ABCB5: variants seen among roughly 807,000 people sequenced by gnomAD.
ABCB5 encodes the protein ATP binding cassette subfamily B member 5.
A neutral mutation model predicts 144.2 loss-of-function variants in ABCB5; 155 were observed. That is an observed-to-expected ratio of 1.08 (90% CI 0.94 to 1.23). ABCB5 has a LOEUF of 1.23. ABCB5 is among the 50% of genes most tolerant of loss of function. ABCB5 has a pLI of 0.00. For missense variants in ABCB5, 1,830 were observed against 1,520.8 expected (o/e 1.20, Z -3.38); for synonymous variants, 610 against 528.6 (o/e 1.15, Z -2.11).
intron 14 of ABCB5, among the ~76,000 whole-genome samples, chr7:20,663,282 T>G (rs889087378): frequency 6.6e-6 from 1 of 152,212 alleles, no homozygotes; most frequent in African/African-American, 2.4e-5. Context: ...CTCAAAGAGA[T>G]ATTGGTATAC....
intron 14 of ABCB5, chr7:20,660,102 T>C (rs1282644615): frequency 1.0e-6 from 1 of 984,696 alleles, no homozygotes; most frequent in East Asian, 1.1e-4. Flanking sequence ...CAAAACTAGT[T>C]CAGACTTTTA....
intron 5 of ABCB5, among the ~76,000 whole-genome samples, chr7:20,632,766 A>G (rs947074553): frequency 2.0e-4 from 31 of 151,996 alleles, no homozygotes; most frequent in Non-Finnish European, 4.3e-4. Context: ...CAAGAGCAAA[A>G]AAACAAACAC....
At chr7:20,691,166 G>C (rs1363057635) in intron 16 of ABCB5, among the ~76,000 whole-genome samples, 1 of 116,708 alleles carries the variant, frequency 8.6e-6, no homozygotes, top group Non-Finnish European at 1.7e-5. Flanking sequence ...AAACCCAGTG[G>C]ACTTTTTTTT....
In ABCB5 at chr7:20,685,855, A is replaced by G. The variant is rs756707721; in HGVS notation, c.2010+19A>G. The G allele has an allele frequency of 1.9e-6, 3 of 1,567,746 alleles. No homozygotes were observed. Among genetic ancestry groups the G allele is most frequent in the Non-Finnish European group, 1.7e-6 (2 of 1,163,902 alleles). ...TAAAGAGGTAATGGCTCAGCGATCA[A>G]CCAGTTTTTCCTGCATGTTTTCTAA... On this transcript the variant is annotated intron_variant, in intron 16 of 27. Transcript: ENST00000404938.
intron 4 of ABCB5, among the ~76,000 whole-genome samples, chr7:20,631,324 G>T (rs1014797071): frequency 1.3e-5 from 2 of 152,188 alleles, no homozygotes; most frequent in East Asian, 3.9e-4. Context: ...AGGGAGAAAT[G>T]ATTGTTTGCA....
At chr7:20,748,996 T>A (rs1782823467) in intron 26 of ABCB5, among the ~76,000 whole-genome samples, 3 of 152,360 alleles carry the variant, frequency 2.0e-5, no homozygotes, top group Middle Eastern at 3.4e-3. Context: ...CAATCTGCCA[T>A]GTCCTGCTTC....
chr7:20,691,021 C>T (rs1309402893), intron 16 of ABCB5, among the ~76,000 whole-genome samples: 2 of 152,020 alleles, frequency 1.3e-5, no homozygotes, highest in African/African-American at 4.8e-5. Flanking sequence ...ATAATGGCTT[C>T]TGACATTGGA....
At chr7:20,717,589 C>G (rs1781717395) in intron 20 of ABCB5, among the ~76,000 whole-genome samples, 1 of 151,788 alleles carries the variant, frequency 6.6e-6, no homozygotes, top group Non-Finnish European at 1.5e-5. Flanking sequence ...ATTACAGACA[C>G]GCACCACCAT....
chr7:20,659,328 C>G, intron 14 of ABCB5: 6 of 1,375,318 alleles, frequency 4.4e-6, no homozygotes, highest in Non-Finnish European at 5.6e-6. Flanking sequence ...TAAACCAGAG[C>G]CTTCAGACCC....
At chr7:20,739,481 T>C (rs1296229228) in intron 24 of ABCB5, among the ~76,000 whole-genome samples, 1 of 152,142 alleles carries the variant, frequency 6.6e-6, no homozygotes, top group Non-Finnish European at 1.5e-5. Flanking sequence ...ACATAAAGAG[T>C]TAAAAGTTTG....
intron 14 of ABCB5, among the ~76,000 whole-genome samples, chr7:20,666,278 G>C (rs1260882854): frequency 6.6e-6 from 1 of 152,176 alleles, no homozygotes; most frequent in African/African-American, 2.4e-5. Flanking sequence ...GCAGTGAGTG[G>C]GAACTTGTGT....
intron 20 of ABCB5, among the ~76,000 whole-genome samples, chr7:20,717,121 C>A (rs1043661422): frequency 3.3e-5 from 5 of 152,216 alleles, no homozygotes; most frequent in Admixed American, 3.3e-4. Flanking sequence ...TCCAACAATG[C>A]CAAGAACTTA....
At chr7:20,721,724 A>T (rs529114745) in intron 20 of ABCB5, among the ~76,000 whole-genome samples, 1 of 152,360 alleles carries the variant, frequency 6.6e-6, no homozygotes, top group African/African-American at 2.4e-5. Context: ...TACAAAAAAT[A>T]TACAAAAATC....
chr7:20,673,840 C>T (rs1352861752), intron 14 of ABCB5, among the ~76,000 whole-genome samples: 1 of 151,854 alleles, frequency 6.6e-6, no homozygotes, highest in African/African-American at 2.4e-5. Flanking sequence ...TTCTTGGTTT[C>T]TGCTTTACTC....
At position 20,629,469 on chromosome 7, in the gene ABCB5, A is replaced by T. The variant is rs538702470; in HGVS notation, c.259+631A>T. ...CTAGGATGTAACACATCCTTTAAAAAGAAGAAATCAAGGCCGGGTGCAGTG... is the reference window on the plus strand; with the variant it reads ...CTAGGATGTAACACATCCTTTAAAATGAAGAAATCAAGGCCGGGTGCAGTG... On this transcript the variant is annotated intron_variant, in intron 4 of 27. Coordinates refer to ENST00000404938, the MANE Select transcript of ABCB5 (RefSeq NM_001163941.2). Among the ~76,000 whole-genome samples, 5 of 152,280 alleles carry T rather than the reference A, an allele frequency of 3.3e-5. No individual in the cohort carries two copies. The East Asian group carries it at 9.7e-4, about 29-fold the overall frequency.
At chr7:20,664,914 C>T (rs1382007543) in intron 14 of ABCB5, among the ~76,000 whole-genome samples, 2 of 152,064 alleles carry the variant, frequency 1.3e-5, no homozygotes, top group Non-Finnish European at 1.5e-5. Flanking sequence ...CATAGCAAGA[C>T]CTTGTCTGTA....
In ABCB5 at chr7:20,658,609, T is replaced by C; in HGVS notation, c.1640T>C (p.Ile547Thr). ...RALVRNPKIL[I>T]LDEATSALDS... is the part of the protein sequence containing the mutation. ...TTAGTTCGAAACCCCAAGATTCTGA[T>C]TTTAGATGAGGCTACGTCTGCCCTG... Residue 547 changes from isoleucine to threonine, a missense_variant, in exon 14 of 28, where the codon ATT (isoleucine) becomes ACT (threonine). Coordinates refer to ENST00000404938, the MANE Select transcript of ABCB5 (RefSeq NM_001163941.2). 6.2e-7 allele frequency: 1 copy of C among 1,614,204 alleles called. No homozygotes were observed. The highest frequency in any genetic ancestry group is 8.5e-7 in the Non-Finnish European group (1 of 1,180,034).
intron 19 of ABCB5, among the ~76,000 whole-genome samples, chr7:20,700,356 G>T (rs1044834280): frequency 1.3e-5 from 2 of 152,166 alleles, no homozygotes; most frequent in Non-Finnish European, 2.9e-5. Context: ...AGAAAAGAAT[G>T]TAGGATCTAC....
chr7:20,739,333 C>G (rs997035938), intron 24 of ABCB5, among the ~76,000 whole-genome samples, 194 bp downstream of exon 24: 2 of 151,466 alleles, frequency 1.3e-5, no homozygotes, highest in African/African-American at 4.9e-5. Flanking sequence ...AACAAACCTG[C>G]GCATATACTC....
Sources: gnomAD v4.1 joint callset for allele counts (sites outside exome capture counted in the v4.1 genomes callset) on GRCh38, gnomAD v4.1.1 for gene constraint, MANE v1.5 for transcripts, NCBI Gene and HGNC (gene_info 2026-07-23, HGNC 2026-07-21) for gene names.